Variants in CDH8 observed in about 807,000 individuals in gnomAD.
The protein encoded by CDH8 is cadherin 8.
CDH8 carries 17 observed loss-of-function variants against 68.1 expected under a neutral mutation model. The ratio of observed to expected loss-of-function variants is 0.25; its 90% CI spans 0.17 to 0.37. CDH8 has a LOEUF of 0.37. Among genes scored for constraint, CDH8 ranks in the 10% least tolerant of loss-of-function variants. CDH8 has a pLI of 1.00. For missense variants in CDH8, 763 were observed against 999.3 expected, an observed-to-expected ratio of 0.76 and a Z score of 3.19; for synonymous variants, 372 against 365.1, an observed-to-expected ratio of 1.02 and a Z score of -0.21.
Position 62,021,535 on chromosome 16 carries a change from A to C in CDH8, c.-132T>G, listed in dbSNP as rs1902076519. On this transcript the variant is annotated 5_prime_UTR_variant, in exon 2 of 12. Coordinates refer to ENST00000577390, the MANE Select transcript of CDH8 (RefSeq NM_001796.5). ...CTCTGCCACGTGTCTATAGCACGGG[A>C]AACAGACATCATCTAAGCAGCTTTT... The C allele has an allele frequency of 1.4e-6, 2 of 1,454,454 alleles. No homozygotes were observed. The highest frequency in any genetic ancestry group is 1.8e-6 in the Non-Finnish European group (2 of 1,108,754). 90.1% of individuals were successfully genotyped at this position (1,454,454 alleles called of 1,614,324 possible).
intron 3 of CDH8, among the ~76,000 whole-genome samples, chr16:61,865,862 A>T (rs1963243452): frequency 6.6e-6 from 1 of 152,180 alleles, no homozygotes; most frequent in South Asian, 2.1e-4. Context: ...CGATATCCAT[A>T]CTGACTTTGA....
intron 7 of CDH8, among the ~76,000 whole-genome samples, 167 bp downstream of exon 7, chr16:61,817,311 AC>A (rs1299754358): frequency 8.9e-4 from 97 of 109,174 alleles, no homozygotes; most frequent in African/African-American, 5.0e-3. Context: ...GCGTGTACAC[AC>A]CACACACACA....
At chr16:61,896,952 C>A (rs1229719144) in intron 3 of CDH8, among the ~76,000 whole-genome samples, 2 of 151,826 alleles carry the variant, frequency 1.3e-5, no homozygotes. Flanking sequence ...TCATAGTCAA[C>A]CTGATAATAA....
At chr16:61,791,200 C>G (rs776263366) in intron 7 of CDH8, among the ~76,000 whole-genome samples, 1 of 151,918 alleles carries the variant, frequency 6.6e-6, no homozygotes, top group Non-Finnish European at 1.5e-5. Context: ...TCACTCCCAT[C>G]CCCAATCCCC....
chr16:61,999,704 G>C (rs548667628), intron 2 of CDH8, among the ~76,000 whole-genome samples: 1 of 151,978 alleles, frequency 6.6e-6, no homozygotes, highest in African/African-American at 2.4e-5. Flanking sequence ...ATCGCTTTCC[G>C]TGTGTCTCTG....
intron 9 of CDH8, among the ~76,000 whole-genome samples, chr16:61,723,692 A>T (rs2142886449): frequency 6.6e-6 from 1 of 150,846 alleles, no homozygotes; most frequent in South Asian, 2.1e-4. Context: ...GTGCTCAGTA[A>T]GTATTTACTG....
chr16:61,690,237 A>G (rs138954659), intron 10 of CDH8, among the ~76,000 whole-genome samples: 1 of 152,188 alleles, frequency 6.6e-6, no homozygotes, highest in African/African-American at 2.4e-5. Context: ...AGGTCTAAAG[A>G]TAGATTCTAA....
chr16:61,834,951 T>A (rs1962537197), intron 4 of CDH8, among the ~76,000 whole-genome samples: 1 of 151,530 alleles, frequency 6.6e-6, no homozygotes, highest in African/African-American at 2.4e-5. Context: ...AATTATAAAA[T>A]TTTTTTTTAA....
chr16:61,996,826 C>T (rs1160014736), intron 2 of CDH8, among the ~76,000 whole-genome samples: 2 of 152,138 alleles, frequency 1.3e-5, no homozygotes, highest in Non-Finnish European at 2.9e-5. Context: ...AGCAATACTC[C>T]GACCTCACTC....
intron 5 of CDH8, among the ~76,000 whole-genome samples, chr16:61,823,268 A>G (rs927692882): frequency 6.6e-6 from 1 of 151,570 alleles, no homozygotes; most frequent in Non-Finnish European, 1.5e-5. Flanking sequence ...CTCCATACAC[A>G]TTTCTCTCTT....
At chr16:61,863,755 T>C (rs1963198701) in intron 3 of CDH8, among the ~76,000 whole-genome samples, 1 of 152,202 alleles carries the variant, frequency 6.6e-6, no homozygotes, top group Non-Finnish European at 1.5e-5. Flanking sequence ...ACAATGCACA[T>C]TCTTGGTCTT....
At chr16:61,771,640 G>A (rs1596952994) in intron 8 of CDH8, among the ~76,000 whole-genome samples, 1 of 151,816 alleles carries the variant, frequency 6.6e-6, no homozygotes, top group Non-Finnish European at 1.5e-5. Context: ...AGAACAGATT[G>A]ATGAAGATTT....
At chr16:61,800,956 A>G (rs1567476464) in intron 7 of CDH8, among the ~76,000 whole-genome samples, 1 of 152,130 alleles carries the variant, frequency 6.6e-6, no homozygotes, top group Non-Finnish European at 1.5e-5. Context: ...TCCCTTTGTC[A>G]TGATGCAAAA....
At chr16:61,696,343 C>T (rs753114220) in intron 10 of CDH8, among the ~76,000 whole-genome samples, 3 of 152,148 alleles carry the variant, frequency 2.0e-5, no homozygotes, top group Non-Finnish European at 4.4e-5. Context: ...CTCAAAGGTG[C>T]AGTTAACCTA....
Position 61,960,516 on chromosome 16 carries a change from G to C in CDH8, c.253-59043C>G, listed in dbSNP as rs552165398. On this transcript the variant is annotated intron_variant, in intron 2 of 11. Coordinates refer to ENST00000577390, the MANE Select transcript of CDH8 (RefSeq NM_001796.5). ...AAAGTCTGTCACATTGCCATCACTCGGTAAAAGTGTTTAACTATTTTTTCT... is the reference window on the plus strand; with the variant it reads ...AAAGTCTGTCACATTGCCATCACTCCGTAAAAGTGTTTAACTATTTTTTCT... Among the ~76,000 whole-genome samples, 19 of 151,986 alleles carry C rather than the reference G, an allele frequency of 1.3e-4. No individual in the cohort carries two copies. The East Asian group carries it at 3.1e-3, about 25-fold the overall frequency.
At chr16:61,987,733 T>C (rs1396519535) in intron 2 of CDH8, among the ~76,000 whole-genome samples, 1 of 151,108 alleles carries the variant, frequency 6.6e-6, no homozygotes, top group Admixed American at 6.6e-5. Flanking sequence ...AATCGTATGA[T>C]GTTTTAGATT....
At chr16:61,858,828 GC>G (rs1376069309) in intron 3 of CDH8, among the ~76,000 whole-genome samples, 1 of 152,102 alleles carries the variant, frequency 6.6e-6, no homozygotes, top group Non-Finnish European at 1.5e-5. Context: ...CATGCAAGAT[GC>G]CCCCTGAGAA....
chr16:61,798,156 T>C (rs1472204146), intron 7 of CDH8, among the ~76,000 whole-genome samples: 1 of 152,208 alleles, frequency 6.6e-6, no homozygotes, highest in African/African-American at 2.4e-5. Flanking sequence ...TAGTGCATTA[T>C]GAGAATTCTA....
chr16:61,994,108 A>G (rs1965773042), intron 2 of CDH8, among the ~76,000 whole-genome samples: 1 of 152,152 alleles, frequency 6.6e-6, no homozygotes, highest in Non-Finnish European at 1.5e-5. Flanking sequence ...GGCTAAGTAT[A>G]TGTCTCCATA....
Sources: gnomAD v4.1 joint callset for allele counts (sites outside exome capture counted in the v4.1 genomes callset) on GRCh38, gnomAD v4.1.1 for gene constraint, MANE v1.5 for transcripts, NCBI Gene and HGNC (gene_info 2026-07-23, HGNC 2026-07-21) for gene names.